LRRC28: variants seen among roughly 807,000 people sequenced by gnomAD.
The protein encoded by LRRC28 is leucine-rich repeat-containing protein 28.
LRRC28 carries 39 observed loss-of-function variants against 45.7 expected under a neutral mutation model. The ratio of observed to expected loss-of-function variants is 0.85; its 90% CI spans 0.66 to 1.12. The LOEUF (loss-of-function observed/expected upper bound fraction) is 1.12. Ranked by LOEUF, LRRC28 falls within the 50% of genes most tolerant of loss-of-function variation. The pLI is 0.00. For missense variants in LRRC28, 435 were observed against 438.5 expected, an observed-to-expected ratio of 0.99 and a Z score of 0.07; for synonymous variants, 206 against 178.8, an observed-to-expected ratio of 1.15 and a Z score of -1.22.
At chr15:99,285,568 C>G in intron 3 of LRRC28, 2 of 838,252 alleles carry the variant, frequency 2.4e-6, no homozygotes, top group South Asian at 3.2e-5. Context: ...AGGAGACTGA[C>G]TTAGACTTGA....
intron 7 of LRRC28, among the ~76,000 whole-genome samples, chr15:99,354,804 A>G (rs1017976461): frequency 2.7e-4 from 41 of 152,324 alleles, no homozygotes; most frequent in Admixed American, 2.2e-3. Flanking sequence ...CTTCACTGCT[A>G]TCATATGTTG....
At chr15:99,277,495 CA>C (rs1264960787) in intron 3 of LRRC28, among the ~76,000 whole-genome samples, 2 of 152,192 alleles carry the variant, frequency 1.3e-5, no homozygotes, top group African/African-American at 4.8e-5. Context: ...AGGTAAATTA[CA>C]GACATAATGT....
intron 3 of LRRC28, among the ~76,000 whole-genome samples, chr15:99,277,841 C>G (rs1005291937): frequency 6.6e-6 from 1 of 152,046 alleles, no homozygotes; most frequent in Non-Finnish European, 1.5e-5. Flanking sequence ...TTTTAGTCTA[C>G]TTTTGCATCC....
chr15:99,289,329 GAT>G (rs1233733752), intron 5 of LRRC28, among the ~76,000 whole-genome samples: 1 of 152,144 alleles, frequency 6.6e-6, no homozygotes, highest in Non-Finnish European at 1.5e-5. Context: ...AGCAGAGAAA[GAT>G]ACAGATGTTA....
chr15:99,284,469 C>T (rs529345374), intron 3 of LRRC28, among the ~76,000 whole-genome samples: 6 of 152,302 alleles, frequency 3.9e-5, no homozygotes, highest in Admixed American at 3.3e-4. Context: ...TGCCCATATA[C>T]ATGAGTATTT....
intron 9 of LRRC28, among the ~76,000 whole-genome samples, chr15:99,374,971 T>C (rs967399934): frequency 1.3e-5 from 2 of 152,158 alleles, no homozygotes; most frequent in African/African-American, 4.8e-5. Context: ...CCAGCTGCCT[T>C]GTTCCCAGTC....
At chr15:99,350,740 A>G (rs1056657567) in intron 6 of LRRC28, among the ~76,000 whole-genome samples, 7 of 152,340 alleles carry the variant, frequency 4.6e-5, no homozygotes, top group East Asian at 1.9e-4. Flanking sequence ...CCTATCTTCT[A>G]TGTTTGTAAG....
chr15:99,288,161 G>A (rs1251302878), intron 5 of LRRC28, among the ~76,000 whole-genome samples: 2 of 152,150 alleles, frequency 1.3e-5, no homozygotes, highest in Admixed American at 6.5e-5. Context: ...TTTAGATATA[G>A]CTACAATTAC....
rs1452802642 is a variant in LRRC28, at chr15:99,386,273, A to G, written c.*171A>G. ...GCCTTCACCCTTCCCCCAAGTTGGA[A>G]TATATCCTCCCCCAAATTAAGGACC... is the stretch of plus-strand genomic sequence containing the variant. On this transcript the variant is annotated 3_prime_UTR_variant, in exon 10 of 10. Transcript: ENST00000301981. The G allele has an allele frequency of 1.7e-6, 1 of 574,958 alleles. No individual in the cohort carries two copies. Among genetic ancestry groups the G allele is most frequent in the East Asian group, 2.7e-5 (1 of 37,010 alleles). 35.6% of individuals were successfully genotyped at this position (574,958 alleles called of 1,614,324 possible).
At chr15:99,354,488 T>G (rs994369159) in intron 7 of LRRC28, among the ~76,000 whole-genome samples, 1 of 152,100 alleles carries the variant, frequency 6.6e-6, no homozygotes, top group African/African-American at 2.4e-5. Context: ...CACAAGGGCC[T>G]GGGGGAAATC....
intron 2 of LRRC28, among the ~76,000 whole-genome samples, chr15:99,264,869 GA>G (rs1405664511): frequency 6.6e-6 from 1 of 152,188 alleles, no homozygotes; most frequent in Non-Finnish European, 1.5e-5. Flanking sequence ...AGTTTCCTAA[GA>G]ATGGGCTCCA....
At chr15:99,363,894 T>G (rs1314254399) in intron 9 of LRRC28, among the ~76,000 whole-genome samples, 1 of 152,234 alleles carries the variant, frequency 6.6e-6, no homozygotes, top group African/African-American at 2.4e-5. Flanking sequence ...GTTTATGGGC[T>G]TCCTAAATTT....
chr15:99,334,375 T>A (rs1956253531), intron 6 of LRRC28, among the ~76,000 whole-genome samples: 2 of 151,362 alleles, frequency 1.3e-5, no homozygotes, highest in Admixed American at 6.6e-5. Flanking sequence ...ATATATGAGA[T>A]GATTTCCTCA....
intron 9 of LRRC28, among the ~76,000 whole-genome samples, chr15:99,384,050 T>C (rs1957909923): frequency 6.6e-6 from 1 of 152,176 alleles, no homozygotes; most frequent in Non-Finnish European, 1.5e-5. Context: ...TAATATAATT[T>C]GACAAGATCC....
At chr15:99,304,133 C>A (rs573111515) in intron 5 of LRRC28, among the ~76,000 whole-genome samples, 64 of 152,278 alleles carry the variant, frequency 4.2e-4, no homozygotes, top group Admixed American at 6.5e-4. Flanking sequence ...ACAGCCATGT[C>A]CATTCGTTTA....
intron 6 of LRRC28, among the ~76,000 whole-genome samples, chr15:99,339,089 A>T (rs745565023): frequency 1.5e-5 from 2 of 136,606 alleles, no homozygotes; most frequent in Non-Finnish European, 3.1e-5. Context: ...AGCTCTGTTA[A>T]CTAACTCAGA....
intron 9 of LRRC28, among the ~76,000 whole-genome samples, chr15:99,372,530 C>T (rs75787984): frequency 0.023 from 3,535 of 152,210 alleles, 60 homozygotes; most frequent in Non-Finnish European, 0.037. Context: ...CTTGTAATAA[C>T]TCAGATTATT....
At chr15:99,316,345 CT>C (rs1307872164) in intron 5 of LRRC28, among the ~76,000 whole-genome samples, 17 of 152,118 alleles carry the variant, frequency 1.1e-4, no homozygotes, top group African/African-American at 4.1e-4. Context: ...ACAGAGTGCT[CT>C]TTTTTTCCTT....
At position 99,361,372 on chromosome 15, in the gene LRRC28, G is replaced by T. The variant is rs140378160; in HGVS notation, c.732G>T (p.Leu244=). ...CCATTCAAGTTTCCGAGGTGAAGCT[G>T]CTTTCCTTTTCATCAGGGCAGCGAA... The part of the protein sequence containing the change: ...GAPIQVSEVK[L]LSFSSGQRTV... The change falls in exon 8 of 10, where the codon CTG becomes CTT. Residue 244 remains leucine, a synonymous_variant. Coordinates refer to ENST00000301981, the MANE Select transcript of LRRC28 (RefSeq NM_144598.5). The T allele has an allele frequency of 1.1e-5, 17 of 1,613,762 alleles. No individual in the cohort carries two copies. Among genetic ancestry groups the T allele is most frequent in the Non-Finnish European group, 1.4e-5 (16 of 1,179,904 alleles).
Sources: allele counts gnomAD v4.1 joint callset (sites outside exome capture counted in the v4.1 genomes callset), GRCh38; gene constraint gnomAD v4.1.1; transcripts MANE v1.5; gene names NCBI Gene and HGNC (gene_info 2026-07-23, HGNC 2026-07-21).